Variants in ZIC4 observed in about 807,000 individuals in gnomAD.
ZIC4 encodes the protein Zic family zinc finger 4, also known as zinc finger protein ZIC 4.
ZIC4 carries 15 observed loss-of-function variants against 28.8 expected under a neutral mutation model. The ratio of observed to expected loss-of-function variants is 0.52; its 90% CI spans 0.35 to 0.80. ZIC4 has a LOEUF of 0.80. Ranked by LOEUF, ZIC4 falls within the 30% of genes least tolerant of loss-of-function variation. The probability of loss-of-function intolerance (pLI) is 0.01; values close to 1 mark genes in which losing one functional copy is unlikely to be tolerated. For missense variants in ZIC4, 512 were observed against 467.1 expected (o/e 1.10, Z -0.89); for synonymous variants, 220 against 198.1 (o/e 1.11, Z -0.93).
rs1489682970 is a variant in ZIC4 at position 147,395,944 on chromosome 3, G to A, written c.596C>T (p.Thr199Met). Residue 199 changes from threonine (T) to methionine (M), a missense_variant, in exon 3 of 5, where the codon ACG (threonine) becomes ATG (methionine). Physicochemically the swap from Thr to Met is moderately conservative, Grantham distance 81 (BLOSUM62 -1). This residue lies in a region of ZIC4 where 58 missense variants were observed against 93.8 expected (regional missense o/e 0.62). Transcript: ENST00000383075. ...AGGACAAGGGAAGGGCTTCTCGCCCGTGTGCACGCGGATGTGATTTACAAG... is the reference window on the plus strand; with the variant it reads ...AGGACAAGGGAAGGGCTTCTCGCCCATGTGCACGCGGATGTGATTTACAAG... ...YKLVNHIRVH[T>M]GEKPFPCPFP... 2 of 1,614,260 alleles carry A rather than the reference G, an allele frequency of 1.2e-6. No individual in the cohort carries two copies. Among genetic ancestry groups the A allele is most frequent in the Non-Finnish European group, 8.5e-7 (1 of 1,180,050 alleles).
chr3:147,405,871 T>G, intron 1 of ZIC4: 1 of 240,164 alleles, frequency 4.2e-6, no homozygotes, highest in Non-Finnish European at 8.2e-6. Context: ...AAGCAGAGAC[T>G]CTCCTAGCCA....
intron 3 of ZIC4, chr3:147,392,379 G>C (rs1186680644): frequency 3.0e-6 from 3 of 985,424 alleles, no homozygotes; most frequent in African/African-American, 1.7e-5. Flanking sequence ...GTGCACGTTA[G>C]AGTGACAATA....
At chr3:147,393,693 G>T (rs1193232974) in intron 3 of ZIC4, 1 of 286,810 alleles carries the variant, frequency 3.5e-6, no homozygotes, top group African/African-American at 2.3e-5. Context: ...GCGCCCCGGC[G>T]CGGTCTCTTT....
At chr3:147,397,742 G>A (rs571727477) in intron 2 of ZIC4, among the ~76,000 whole-genome samples, 9 of 152,184 alleles carry the variant, frequency 5.9e-5, no homozygotes, top group African/African-American at 2.2e-4. Context: ...TGACTCAGGA[G>A]CCAGGAGCTG....
At chr3:147,391,397 C>G in intron 3 of ZIC4, 151 bp from the exon 4 acceptor site, 1 of 1,041,194 alleles carries the variant, frequency 9.6e-7, no homozygotes, top group African/African-American at 1.6e-5. Context: ...TCGAGCACCC[C>G]TTTCCCTCGT....
chr3:147,404,101 T>C (rs767851460), intron 1 of ZIC4: 6 of 1,536,416 alleles, frequency 3.9e-6, no homozygotes, highest in Non-Finnish European at 5.2e-6. Flanking sequence ...GGCGGCATGC[T>C]GGGCGTCCTC....
intron 4 of ZIC4, chr3:147,389,500 C>G (rs925719998): frequency 1.3e-5 from 2 of 152,118 alleles, no homozygotes; most frequent in African/African-American, 4.8e-5. Flanking sequence ...ATGAGTCTGC[C>G]AAAGCTTTAT....
At chr3:147,399,125 C>T (rs1171791911) in intron 2 of ZIC4, among the ~76,000 whole-genome samples, 1 of 152,084 alleles carries the variant, frequency 6.6e-6, no homozygotes, top group Non-Finnish European at 1.5e-5. Context: ...ATTTGACTGC[C>T]AGACCCCCAC....
At chr3:147,402,680 A>G (rs1307353179) in intron 2 of ZIC4, 48 bp downstream of exon 2, 35 of 1,502,638 alleles carry the variant, frequency 2.3e-5, no homozygotes, top group Non-Finnish European at 3.1e-5. Flanking sequence ...GAAGAAGAAG[A>G]AGAAAAGAAA....
chr3:147,390,531 C>G (rs1024355432), intron 4 of ZIC4, among the ~76,000 whole-genome samples: 6 of 152,112 alleles, frequency 3.9e-5, no homozygotes, highest in African/African-American at 7.2e-5. Context: ...CATAAATTCT[C>G]CAACTTTTTT....
At chr3:147,400,032 T>C (rs1275621073) in intron 2 of ZIC4, among the ~76,000 whole-genome samples, 2 of 152,170 alleles carry the variant, frequency 1.3e-5, no homozygotes, top group African/African-American at 2.4e-5. Flanking sequence ...TATGGACAGA[T>C]AGGAGAAGAG....
intron 2 of ZIC4, among the ~76,000 whole-genome samples, chr3:147,398,379 G>C (rs1576461635): frequency 1.3e-5 from 2 of 152,114 alleles, no homozygotes; most frequent in African/African-American, 4.8e-5. Flanking sequence ...CTCTGAGAGG[G>C]CCTGCAGGCC....
At chr3:147,392,168 A>G (rs2086939056) in intron 3 of ZIC4, 1 of 985,436 alleles carries the variant, frequency 1.0e-6, no homozygotes, top group Non-Finnish European at 1.2e-6. Flanking sequence ...TTGGCGCGGT[A>G]GGGTCCGCAC....
chr3:147,401,171 A>G (rs888840003), intron 2 of ZIC4, among the ~76,000 whole-genome samples: 6 of 152,194 alleles, frequency 3.9e-5, no homozygotes, highest in Admixed American at 6.5e-5. Flanking sequence ...TCACCTACCC[A>G]GACGAATGCA....
Position 147,388,662 on chromosome 3 carries a change from CCTGGACGGG to C in ZIC4, c.*188_*196del. The C allele has an allele frequency of 5.2e-6, 3 of 580,296 alleles. No individual in the cohort carries two copies. The highest frequency in any genetic ancestry group is 9.3e-6 in the Non-Finnish European group (3 of 322,814). The allele number at this position is 580,296 out of a possible 1,614,324, so 35.9% of individuals were successfully genotyped here. ...TAAATATTATGTCCTTAATGAAAAG[CCTGGACGGG>C]CTCCAGGCTTGGCCTTTCAGGATTT... On this transcript the variant is annotated 3_prime_UTR_variant, in exon 5 of 5. Coordinates refer to ENST00000383075, the MANE Select transcript of ZIC4 (RefSeq NM_032153.6).
At chr3:147,403,373 G>A (rs537345386) in intron 1 of ZIC4, among the ~76,000 whole-genome samples, 89 of 152,086 alleles carry the variant, frequency 5.9e-4, no homozygotes, top group Non-Finnish European at 1.2e-3. Context: ...GACCCATTTG[G>A]GATTCATCAC....
rs2087126932 is a variant in ZIC4 at position 147,399,767 on chromosome 3, G to A, written c.70+2961C>T. ...TGCAACCTCTGCCTCCCTGGTTCAA[G>A]CGATTCTTCCACCTCAGCCTCCCAA... On this transcript the variant is annotated intron_variant, in intron 2 of 4. Transcript: ENST00000383075. Among the ~76,000 whole-genome samples, 3 of 150,584 alleles carry A rather than the reference G, an allele frequency of 2.0e-5. No individual in the cohort carries two copies. In the Admixed American group the frequency reaches 2.0e-4, roughly 10 times the overall value.
At chr3:147,399,299 G>A (rs2087115621) in intron 2 of ZIC4, among the ~76,000 whole-genome samples, 2 of 152,110 alleles carry the variant, frequency 1.3e-5, no homozygotes, top group African/African-American at 4.8e-5. Context: ...GCAGTGGCAT[G>A]GCCAGGTCTC....
chr3:147,402,815 G>A lies in ZIC4; in HGVS notation c.-15-3C>T, dbSNP rs766853127. The A allele has an allele frequency of 1.2e-6, 2 of 1,612,974 alleles. No homozygotes were observed. Among genetic ancestry groups the A allele is most frequent in the East Asian group, 2.2e-5 (1 of 44,826 alleles). ...TATCTCATTTTCTGACTTTGAGCCT[G>A]TTTGGGAAGAAAAGAGTGACAGTCA... On this transcript the variant is annotated splice_region_variant and splice_polypyrimidine_tract_variant and intron_variant, in intron 1 of 4. Coordinates refer to ENST00000383075, the MANE Select transcript of ZIC4 (RefSeq NM_032153.6).
Sources: allele counts gnomAD v4.1 joint callset (sites outside exome capture counted in the v4.1 genomes callset), GRCh38; gene constraint gnomAD v4.1.1; regional missense constraint gnomAD v4.1.1; transcripts MANE v1.5; gene names NCBI Gene and HGNC (gene_info 2026-07-23, HGNC 2026-07-21).